CDH18: variants seen among roughly 807,000 people sequenced by gnomAD.
The protein encoded by CDH18 is cadherin 18.
In CDH18, 31 loss-of-function variants were observed where a neutral mutation model predicts 67.9. That is an observed-to-expected ratio of 0.46 (90% confidence interval 0.34 to 0.62). CDH18 has a LOEUF of 0.62. CDH18 is among the 20% of genes least tolerant of loss of function. CDH18 has a pLI of 0.01. For missense variants in CDH18, 890 were observed against 975.5 expected, an observed-to-expected ratio of 0.91 and a Z score of 1.17; for synonymous variants, 362 against 347.2, an observed-to-expected ratio of 1.04 and a Z score of -0.48.
At chr5:20,258,335 G>T (rs138542190) in intron 1 of CDH18, among the ~76,000 whole-genome samples, 1,711 of 152,090 alleles carry the variant, frequency 0.011, 34 homozygotes, top group African/African-American at 0.039. Context: ...CTCCTCCAAG[G>T]AAAACTCATA....
chr5:19,675,378 T>G (rs1465403955), intron 5 of CDH18, among the ~76,000 whole-genome samples: 1 of 152,004 alleles, frequency 6.6e-6, no homozygotes, highest in Non-Finnish European at 1.5e-5. Context: ...GGAGCGCTAC[T>G]GGAGACCGGG....
At chr5:19,856,840 G>A (rs1355225002) in intron 2 of CDH18, among the ~76,000 whole-genome samples, 1 of 152,036 alleles carries the variant, frequency 6.6e-6, no homozygotes, top group Non-Finnish European at 1.5e-5. Context: ...CCACTCTTTG[G>A]TATTTGTTAT....
intron 5 of CDH18, among the ~76,000 whole-genome samples, chr5:19,675,051 G>T (rs1215252550): frequency 6.6e-6 from 1 of 152,050 alleles, no homozygotes; most frequent in Non-Finnish European, 1.5e-5. Context: ...GTCTGGGGGA[G>T]ACATCACATG....
intron 1 of CDH18, among the ~76,000 whole-genome samples, chr5:20,317,720 T>C (rs1330101351): frequency 1.3e-5 from 2 of 152,184 alleles, no homozygotes; most frequent in Admixed American, 6.6e-5. Flanking sequence ...CACATTTTAG[T>C]TACTATAAAA....
At chr5:19,750,179 G>A (rs1770650361) in intron 3 of CDH18, among the ~76,000 whole-genome samples, 1 of 151,972 alleles carries the variant, frequency 6.6e-6, no homozygotes, top group Non-Finnish European at 1.5e-5. Context: ...CTGACTAATA[G>A]TTTATATGAT....
chr5:19,962,401 AT>A (rs1195289578), intron 2 of CDH18, among the ~76,000 whole-genome samples: 1 of 134,454 alleles, frequency 7.4e-6, no homozygotes, highest in Non-Finnish European at 1.7e-5. Flanking sequence ...AAAAAAGAAA[AT>A]TCAATTCCTT....
intron 1 of CDH18, among the ~76,000 whole-genome samples, chr5:20,291,921 T>G (rs1237247136): frequency 1.3e-5 from 2 of 152,148 alleles, no homozygotes; most frequent in Non-Finnish European, 2.9e-5. Context: ...GTCTTAATGC[T>G]TACTCTGATT....
intron 3 of CDH18, among the ~76,000 whole-genome samples, chr5:19,763,280 A>G (rs1772615446): frequency 6.6e-6 from 1 of 152,222 alleles, no homozygotes; most frequent in Admixed American, 6.5e-5. Context: ...TGAATAGAAG[A>G]TTGTTAATGG....
At chr5:20,405,326 A>G (rs1746145329) in intron 1 of CDH18, among the ~76,000 whole-genome samples, 1 of 152,236 alleles carries the variant, frequency 6.6e-6, no homozygotes, top group Admixed American at 6.5e-5. Flanking sequence ...GACAAAAACA[A>G]GAAATGGGGA....
chr5:19,830,455 G>A (rs549206665), intron 3 of CDH18, among the ~76,000 whole-genome samples: 18 of 152,002 alleles, frequency 1.2e-4, no homozygotes, highest in South Asian at 1.0e-3. Flanking sequence ...ATCACTAATC[G>A]TTAGATAAAT....
rs559502728 is a variant in CDH18 at position 20,350,957 on chromosome 5, C to A, written c.-579-95452G>T. ...TCAATATCTCAAAAAACTCCTAAAT[C>A]CTTCCATTTTGGAAAAGTAAAAAAA... is the stretch of plus-strand genomic sequence containing the variant. On this transcript the variant is annotated intron_variant, in intron 1 of 14. Transcript: ENST00000507958. Among the ~76,000 whole-genome samples, 162 of 151,738 alleles carry A rather than the reference C, an allele frequency of 1.1e-3. 3 individuals are homozygous for A. The South Asian group carries it at 0.032, about 30-fold the overall frequency.
At chr5:20,409,915 T>C (rs1292697414) in intron 1 of CDH18, among the ~76,000 whole-genome samples, 7 of 151,594 alleles carry the variant, frequency 4.6e-5, no homozygotes, top group Non-Finnish European at 7.4e-5. Flanking sequence ...TTACTGGAAA[T>C]ATACAACCTA....
At chr5:19,929,017 C>T (rs566998893) in intron 2 of CDH18, among the ~76,000 whole-genome samples, 153 of 152,178 alleles carry the variant, frequency 1.0e-3, no homozygotes, top group African/African-American at 3.5e-3. Flanking sequence ...TTAATTACAT[C>T]ATGGGAGTGA....
intron 1 of CDH18, among the ~76,000 whole-genome samples, chr5:20,351,742 G>A (rs1385298922): frequency 6.6e-6 from 1 of 152,102 alleles, no homozygotes; most frequent in Non-Finnish European, 1.5e-5. Flanking sequence ...TATTTATGCT[G>A]CCACCGGTTG....
intron 5 of CDH18, among the ~76,000 whole-genome samples, chr5:19,616,083 T>C (rs141219567): frequency 2.1e-3 from 319 of 152,254 alleles, no homozygotes; most frequent in African/African-American, 7.4e-3. Flanking sequence ...AATGAATTTA[T>C]CTGAAATTGT....
chr5:19,644,303 G>A (rs1355362491), intron 5 of CDH18, among the ~76,000 whole-genome samples: 3 of 152,112 alleles, frequency 2.0e-5, no homozygotes, highest in South Asian at 2.1e-4. Flanking sequence ...TAGGGCTAAA[G>A]TGTGAATTAC....
intron 3 of CDH18, among the ~76,000 whole-genome samples, chr5:19,775,735 A>G (rs1207724926): frequency 6.6e-6 from 1 of 152,216 alleles, no homozygotes; most frequent in African/African-American, 2.4e-5. Context: ...TCAGTAGCTG[A>G]GGCAGATGTA....
intron 2 of CDH18, among the ~76,000 whole-genome samples, chr5:20,221,495 G>A (rs1026870528): frequency 3.9e-5 from 6 of 151,994 alleles, no homozygotes; most frequent in African/African-American, 1.2e-4. Flanking sequence ...GGGGAGTGGC[G>A]ATGGTTATTG....
intron 4 of CDH18, among the ~76,000 whole-genome samples, chr5:19,744,047 A>G (rs1160119351): frequency 6.6e-6 from 1 of 152,044 alleles, no homozygotes; most frequent in Non-Finnish European, 1.5e-5. Context: ...TTCATGTTAC[A>G]ATATCTATTA....
Sources: gnomAD v4.1 joint callset for allele counts (sites outside exome capture counted in the v4.1 genomes callset) on GRCh38, gnomAD v4.1.1 for gene constraint, MANE v1.5 for transcripts, NCBI Gene and HGNC (gene_info 2026-07-23, HGNC 2026-07-21) for gene names.